GNG7: variants seen among roughly 807,000 people sequenced by gnomAD.
GNG7 encodes guanine nucleotide-binding protein G(I)/G(S)/G(O) subunit gamma-7.
GNG7 carries 1 observed loss-of-function variant against 4.0 expected under a neutral mutation model. That is an observed-to-expected ratio of 0.25 (90% CI 0.09 to 1.18). GNG7 has a LOEUF of 1.18. GNG7 is among the 50% of genes most tolerant of loss of function. The pLI, the probability that GNG7 is intolerant of heterozygous loss-of-function variation, is 0.50. For missense variants in GNG7, 86 were observed against 91.9 expected (o/e 0.94, Z 0.26); for synonymous variants, 34 against 36.9 (o/e 0.92, Z 0.29).
In GNG7 at chr19:2,546,121, A is replaced by G. The variant is rs1979117293; in HGVS notation, c.-38+9028T>C. Among the ~76,000 whole-genome samples, 1 of 152,156 alleles carries G rather than the reference A, an allele frequency of 6.6e-6. No individual in the cohort carries two copies. The highest frequency in any genetic ancestry group is 1.5e-5 in the Non-Finnish European group (1 of 68,034). ...GCCCCCCACGGCCTGCCATGTTCTC[A>G]CCAGGACGCCAAAGAGGGGACCCAC... On this transcript the variant is annotated intron_variant, in intron 3 of 4. Coordinates refer to ENST00000382159, the MANE Select transcript of GNG7 (RefSeq NM_052847.3). This position sits in a 1 kb window ranked among gnomAD's most constrained non-coding sequence, Gnocchi z 6.3.
Position 2,633,470 on chromosome 19 carries a change from GGCGCGCGC to G in GNG7, c.-78+12746_-78+12753del, listed in dbSNP as rs71337161. Among the ~76,000 whole-genome samples the G allele has an allele frequency of 7.1e-4, 94 of 132,430 alleles. 1 individual carries two copies. Among genetic ancestry groups the G allele is most frequent in the African/African-American group, 2.9e-3 (88 of 30,536 alleles). The allele number at this position is 132,430 out of a possible 152,430, so 86.9% of individuals were successfully genotyped here. ...CTGTTCAAGCGGTTGCTTAGCAACAGGCGCGCGCGCGCGCGCGCACACACACACACACA... is the reference window on the plus strand; with the variant it reads ...CTGTTCAAGCGGTTGCTTAGCAACAGGCGCGCGCGCACACACACACACACA... On this transcript the variant is annotated intron_variant, in intron 2 of 4. Transcript: ENST00000382159. The surrounding 1 kb of genome is among the most constrained non-coding windows in gnomAD (Gnocchi z 5.9).
At chr19:2,606,046 G>A (rs182355221) in intron 2 of GNG7, among the ~76,000 whole-genome samples, 7 of 152,248 alleles carry the variant, frequency 4.6e-5, no homozygotes, top group Non-Finnish European at 8.8e-5. Context: ...ATGCCTCCAT[G>A]CCCCGCAGTC....
intron 3 of GNG7, among the ~76,000 whole-genome samples, chr19:2,530,583 G>A (rs1444511524): frequency 6.6e-6 from 1 of 150,910 alleles, no homozygotes; most frequent in Non-Finnish European, 1.5e-5. Context: ...AGCTGGACGT[G>A]GTGGCGGGTG....
At chr19:2,665,303 C>G (rs1463980075) in intron 1 of GNG7, among the ~76,000 whole-genome samples, 1 of 150,830 alleles carries the variant, frequency 6.6e-6, no homozygotes, top group Non-Finnish European at 1.5e-5. Context: ...ACTGCATGCC[C>G]GGAGCACTTC....
At chr19:2,692,635 G>GA (rs755758643) in intron 1 of GNG7, among the ~76,000 whole-genome samples, 6,562 of 119,564 alleles carry the variant, frequency 0.055, 525 homozygotes, top group African/African-American at 0.18. Context: ...ACTCCATCTC[G>GA]AAAAAAAAAA....
intron 3 of GNG7, among the ~76,000 whole-genome samples, chr19:2,550,145 C>T (rs1204160050): frequency 6.6e-6 from 1 of 151,976 alleles, no homozygotes; most frequent in East Asian, 1.9e-4. Context: ...GAGACTGGCT[C>T]ACAGGAAGTG....
chr19:2,592,184 T>C (rs1980866557), intron 2 of GNG7, among the ~76,000 whole-genome samples: 1 of 152,188 alleles, frequency 6.6e-6, no homozygotes, highest in Non-Finnish European at 1.5e-5. Context: ...TAAAGATCAG[T>C]AGTGTGTTCT....
At chr19:2,677,703 G>A (rs1468907512) in intron 1 of GNG7, among the ~76,000 whole-genome samples, 1 of 152,030 alleles carries the variant, frequency 6.6e-6, no homozygotes, top group Non-Finnish European at 1.5e-5. Context: ...AGTTTCTTGG[G>A]GATCTGTGGA....
At chr19:2,585,723 C>T (rs969609269) in intron 2 of GNG7, among the ~76,000 whole-genome samples, 2 of 151,992 alleles carry the variant, frequency 1.3e-5, no homozygotes, top group African/African-American at 4.8e-5. Context: ...TTTTTTGAGA[C>T]AGAGGCTTGC....
intron 3 of GNG7, among the ~76,000 whole-genome samples, chr19:2,524,870 G>T (rs942507171): frequency 6.6e-6 from 1 of 152,222 alleles, no homozygotes; most frequent in Admixed American, 6.5e-5. Context: ...ATGTGCGTGC[G>T]TGGGTGTGTA....
intron 2 of GNG7, among the ~76,000 whole-genome samples, chr19:2,597,906 AAAAAAAAG>A (rs1981074057): frequency 1.4e-5 from 2 of 141,954 alleles, no homozygotes; most frequent in Non-Finnish European, 3.2e-5. Context: ...AAAAAAAAAA[AAAAAAAAG>A]AAATTAAATT....
At chr19:2,628,771 C>A (rs968078244) in intron 2 of GNG7, among the ~76,000 whole-genome samples, 3 of 151,982 alleles carry the variant, frequency 2.0e-5, no homozygotes, top group African/African-American at 7.3e-5. Flanking sequence ...CTTTTATGGG[C>A]TCACCTGATG....
chr19:2,514,753 C>G lies in GNG7; in HGVS notation c.*269G>C, dbSNP rs1972706194. The G allele has an allele frequency of 6.8e-6, 2 of 293,054 alleles. No individual in the cohort carries two copies. The highest frequency in any genetic ancestry group is 1.3e-5 in the Non-Finnish European group (2 of 155,108). 18.2% of individuals were successfully genotyped at this position (293,054 alleles called of 1,614,324 possible). The stretch of plus-strand genomic sequence containing the variant: ...TCCGAACGGGAAGTGGCCGTAAAGC[C>G]TCCATCCCTTTTGGCCCAAACTGAG... On this transcript the variant is annotated 3_prime_UTR_variant, in exon 5 of 5. Coordinates refer to ENST00000382159, the MANE Select transcript of GNG7 (RefSeq NM_052847.3).
In GNG7 at chr19:2,567,325, G is replaced by A. The variant is rs141466060; in HGVS notation, c.-77-12137C>T. 4.6e-3 allele frequency among the ~76,000 whole-genome samples: 651 copies of A among 140,758 alleles called. 4 individuals are homozygous for A. Among genetic ancestry groups the A allele is most frequent in the Non-Finnish European group, 8.0e-3 (513 of 64,160 alleles). 92.3% of individuals were successfully genotyped at this position (140,758 alleles called of 152,430 possible). A position where few individuals can be genotyped will look rare whatever the true frequency, so the allele number is the denominator to read the frequency against. ...GCAGGTTTATTTCTTCTCAGTTGTC[G>A]TCGATTTGTGTGTGTGTGTGTGTGT... is the stretch of plus-strand genomic sequence containing the variant. On this transcript the variant is annotated intron_variant, in intron 2 of 4. Coordinates refer to ENST00000382159, the MANE Select transcript of GNG7 (RefSeq NM_052847.3).
intron 3 of GNG7, among the ~76,000 whole-genome samples, chr19:2,549,822 T>G (rs1222284151): frequency 1.3e-5 from 2 of 152,186 alleles, no homozygotes; most frequent in African/African-American, 4.8e-5. Context: ...ACACTTGTTG[T>G]GCACAAAGTT....
Position 2,512,276 on chromosome 19 carries a change from G to A in GNG7, c.*2746C>T. On this transcript the variant is annotated 3_prime_UTR_variant, in exon 5 of 5. Coordinates refer to ENST00000382159, the MANE Select transcript of GNG7 (RefSeq NM_052847.3). The surrounding 1 kb of genome is among the most constrained non-coding windows in gnomAD (Gnocchi z 4.7). ...AGGGATTCCCGGCAGAAAAGCACAT[G>A]TGGCGGTCGGTGTGTGCACTCGGGT... 3.0e-6 allele frequency: 3 copies of A among 985,850 alleles called. No individual in the cohort carries two copies. The highest frequency in any genetic ancestry group is 2.4e-6 in the Non-Finnish European group (2 of 829,936). The allele number at this position is 985,850 out of a possible 1,614,324, so 61.1% of individuals were successfully genotyped here. A position where few individuals can be genotyped will look rare whatever the true frequency, so the allele number is the denominator to read the frequency against.
At chr19:2,686,807 A>G (rs917198860) in intron 1 of GNG7, among the ~76,000 whole-genome samples, 7 of 148,438 alleles carry the variant, frequency 4.7e-5, no homozygotes, top group Admixed American at 2.7e-4. Context: ...GGTGGAGTAC[A>G]GTGGCACGAT....
chr19:2,696,286 GAGAGAGAGAA>G (rs1264573836), intron 1 of GNG7, among the ~76,000 whole-genome samples: 1 of 123,372 alleles, frequency 8.1e-6, no homozygotes, highest in Non-Finnish European at 1.7e-5. Context: ...AAGAAAAAGA[GAGAGAGAGAA>G]AGAAAGAAAG....
At chr19:2,675,557 G>C (rs529581856) in intron 1 of GNG7, among the ~76,000 whole-genome samples, 1 of 152,342 alleles carries the variant, frequency 6.6e-6, no homozygotes, top group South Asian at 2.1e-4. Context: ...GCAGAGGACA[G>C]TTCTGAAGGA....
Sources: allele counts gnomAD v4.1 joint callset (sites outside exome capture counted in the v4.1 genomes callset), GRCh38; gene constraint gnomAD v4.1.1; non-coding constraint Gnocchi (gnomAD v3.1); transcripts MANE v1.5; gene names NCBI Gene and HGNC (gene_info 2026-07-23, HGNC 2026-07-21).